Variants in ZNF773 observed in about 807,000 individuals in gnomAD.
The protein encoded by ZNF773 is zinc finger protein 773.
In ZNF773, 11 loss-of-function variants were observed where a neutral mutation model predicts 12.8. The observed-to-expected ratio is 0.86, with a 90% CI of 0.54 to 1.42. The LOEUF is 1.42. Ranked by LOEUF, ZNF773 falls within the 40% of genes most tolerant of loss-of-function variation. The probability of loss-of-function intolerance (pLI) is 0.00; values close to 1 mark genes in which losing one functional copy is unlikely to be tolerated. For missense variants in ZNF773, 518 were observed against 527.2 expected (o/e 0.98, Z 0.17); for synonymous variants, 175 against 178.4 (o/e 0.98, Z 0.15).
At position 57,506,628 on chromosome 19, in the gene ZNF773, C is replaced by G. The variant is rs1358929176; in HGVS notation, c.533C>G (p.Ser178Cys). ...THTGEKSHRS[S>C]KSREAFHAGK... ...ACGGGAGAGAAGTCACATAGGAGCT[C>G]CAAAAGTAGGGAGGCCTTTCATGCT... Residue 178 changes from serine to cysteine, a missense_variant, in exon 4 of 4, where the codon TCC becomes TGC. Physicochemically the swap from Ser to Cys is moderately radical, Grantham distance 112. Transcript: ENST00000282292. 2 of 1,614,034 alleles carry G rather than the reference C, an allele frequency of 1.2e-6. No individual in the cohort carries two copies. Among genetic ancestry groups the G allele is most frequent in the South Asian group, 1.1e-5 (1 of 91,084 alleles).
chr19:57,507,667 A>G lies in ZNF773; in HGVS notation c.*243A>G, dbSNP rs1483892900. 1.6e-5 allele frequency: 21 copies of G among 1,314,282 alleles called. No homozygotes were observed. Among genetic ancestry groups the G allele is most frequent in the East Asian group, 2.9e-5 (1 of 34,416 alleles). The allele number at this position is 1,314,282 out of a possible 1,614,324, so 81.4% of individuals were successfully genotyped here. A position where few individuals can be genotyped will look rare whatever the true frequency, so the allele number is the denominator to read the frequency against. ...AAGGCCTTAGACTGTCGCTGAATCA[A>G]TATGACCTGACTTAAAGCAGAAACA... On this transcript the variant is annotated 3_prime_UTR_variant, in exon 4 of 4. Transcript: ENST00000282292.
downstream of ZNF773, chr19:57,517,117 T>C (rs2089836889): frequency 6.6e-6 from 1 of 152,258 alleles, no homozygotes; most frequent in African/African-American, 2.4e-5. Context: ...ATGTTACCTT[T>C]GTAGAAAATA....
chr19:57,500,073 A>G lies in ZNF773; in HGVS notation c.-8A>G. 2 of 1,601,044 alleles carry G rather than the reference A, an allele frequency of 1.2e-6. No individual in the cohort carries two copies. Among genetic ancestry groups the G allele is most frequent in the Non-Finnish European group, 1.7e-6 (2 of 1,175,428 alleles). On this transcript the variant is annotated 5_prime_UTR_variant, in exon 1 of 4. Transcript: ENST00000282292. ...TCCTCGGTCGTTGTCTCACCGCCACAGGCTCCGATGGCGGCGGCCACGCTG... is the reference window on the plus strand; with the variant it reads ...TCCTCGGTCGTTGTCTCACCGCCACGGGCTCCGATGGCGGCGGCCACGCTG...
downstream of ZNF773, chr19:57,513,093 G>T (rs2089809245): frequency 6.6e-7 from 1 of 1,505,512 alleles, no homozygotes; most frequent in South Asian, 1.3e-5. Context: ...AGCAGAGAAA[G>T]TGAAACTGAC....
At position 57,499,966 on chromosome 19, in the gene ZNF773, C is replaced by A. The variant is rs1432348421; in HGVS notation, c.-115C>A. The A allele has an allele frequency of 1.7e-5, 24 of 1,377,842 alleles. No homozygotes were observed. The highest frequency in any genetic ancestry group is 2.0e-5 in the Non-Finnish European group (21 of 1,028,166). 85.4% of individuals were successfully genotyped at this position (1,377,842 alleles called of 1,614,324 possible). On this transcript the variant is annotated 5_prime_UTR_variant, in exon 1 of 4. Coordinates refer to ENST00000282292, the MANE Select transcript of ZNF773 (RefSeq NM_198542.3). Reference sequence around the variant, plus strand: ...CGCTGCGGCGACCAGCTCCGGAAAGCGCGGTGGGGACGCGCTGTGTTCTCG... The same window carrying A: ...CGCTGCGGCGACCAGCTCCGGAAAGAGCGGTGGGGACGCGCTGTGTTCTCG...
intron 1 of ZNF773, among the ~76,000 whole-genome samples, chr19:57,501,273 TTTTC>T (rs1246522730): frequency 7.7e-6 from 1 of 129,504 alleles, no homozygotes; most frequent in Admixed American, 8.4e-5. Flanking sequence ...TTGTCTTTCT[TTTTC>T]TTTCTTTTTT....
rs753262370 is a variant in ZNF773 at position 57,506,829 on chromosome 19, G to T, written c.734G>T (p.Arg245Met). 1 of 1,613,990 alleles carries T rather than the reference G, an allele frequency of 6.2e-7. No homozygotes were observed. Among genetic ancestry groups the T allele is most frequent in the Non-Finnish European group, 8.5e-7 (1 of 1,180,028 alleles). Residue 245 changes from arginine to methionine, a missense_variant, in exon 4 of 4, where the codon AGG becomes ATG. Transcript: ENST00000282292. ...CACCAAATAGTTCACACTGGAGAAAGGCCTTATGGGTGTAGTGACTGTGGA... is the reference window on the plus strand; with the variant it reads ...CACCAAATAGTTCACACTGGAGAAATGCCTTATGGGTGTAGTGACTGTGGA... ...FIHQIVHTGERPYGCSDCGKS... is the reference protein window; with the variant it reads ...FIHQIVHTGEMPYGCSDCGKS...
chr19:57,504,937 G>C (rs2089712242), intron 2 of ZNF773, 151 bp downstream of exon 2: 2 of 1,243,312 alleles, frequency 1.6e-6, no homozygotes, highest in Non-Finnish European at 2.3e-6. Flanking sequence ...GGCCTGGGCT[G>C]TGTATACTAC....
chr19:57,510,725 A>G (rs894380897), downstream of ZNF773, among the ~76,000 whole-genome samples: 1 of 152,192 alleles, frequency 6.6e-6, no homozygotes, highest in Non-Finnish European at 1.5e-5. Flanking sequence ...CATGCTTGGC[A>G]ACTGAAAAAA....
chr19:57,507,552 A>G lies in ZNF773; in HGVS notation c.*128A>G, dbSNP rs1223220028. 6.2e-6 allele frequency: 9 copies of G among 1,448,484 alleles called. No homozygotes were observed. The Admixed American group carries it at 2.3e-4, about 37-fold the overall frequency. 89.7% of individuals were successfully genotyped at this position (1,448,484 alleles called of 1,614,324 possible). A position where few individuals can be genotyped will look rare whatever the true frequency, so the allele number is the denominator to read the frequency against. On this transcript the variant is annotated 3_prime_UTR_variant, in exon 4 of 4. Coordinates refer to ENST00000282292, the MANE Select transcript of ZNF773 (RefSeq NM_198542.3). ...CCTCCAAACTCATTCAACACTGGAC[A>G]GTTCACAGAGTGGACAATGTAGTGA...
downstream of ZNF773, chr19:57,513,025 C>T (rs767245451): frequency 1.7e-5 from 26 of 1,565,308 alleles, no homozygotes; most frequent in Admixed American, 3.8e-5. Context: ...CATTCAGTCC[C>T]GAACCGACAG....
chr19:57,508,536 G>A (rs1008984313), downstream of ZNF773: 1 of 700,842 alleles, frequency 1.4e-6, no homozygotes, highest in African/African-American at 1.7e-5. Flanking sequence ...TGCGTAACAG[G>A]TCGGCAAATC....
chr19:57,500,120 G>A lies in ZNF773; in HGVS notation c.33+7G>A. The A allele has an allele frequency of 1.2e-6, 2 of 1,603,180 alleles. No individual in the cohort carries two copies. Among genetic ancestry groups the A allele is most frequent in the South Asian group, 2.2e-5 (2 of 89,622 alleles). On this transcript the variant is annotated splice_region_variant and intron_variant, in intron 1 of 3. Coordinates refer to ENST00000282292, the MANE Select transcript of ZNF773 (RefSeq NM_198542.3). ...GCTGAGGGACCCCGCTCAGGTGAGCGCCGCGTCCTCCCGGCCTCCCCCGAA... is the reference window on the plus strand; with the variant it reads ...GCTGAGGGACCCCGCTCAGGTGAGCACCGCGTCCTCCCGGCCTCCCCCGAA...
rs2089743011 is a variant in ZNF773 at position 57,506,841 on chromosome 19, G to A, written c.746G>A (p.Cys249Tyr). 6.2e-7 allele frequency: 1 copy of A among 1,614,174 alleles called. No individual in the cohort carries two copies. The highest frequency in any genetic ancestry group is 8.5e-7 in the Non-Finnish European group (1 of 1,180,032). The change falls in exon 4 of 4, where the codon TGT becomes TAT. Residue 249 changes from cysteine to tyrosine, a missense_variant. Coordinates refer to ENST00000282292, the MANE Select transcript of ZNF773 (RefSeq NM_198542.3). ...IVHTGERPYG[C>Y]SDCGKSFSRN... ...CACACTGGAGAAAGGCCTTATGGGT[G>A]TAGTGACTGTGGAAAATCCTTTAGC...
Position 57,504,804 on chromosome 19 carries a change from C to G in ZNF773, c.163+18C>G. 1.2e-6 allele frequency: 2 copies of G among 1,610,142 alleles called. No individual in the cohort carries two copies. Among genetic ancestry groups the G allele is most frequent in the Non-Finnish European group, 1.7e-6 (2 of 1,177,578 alleles). ...CTCTCTGGGTAAGGTTCTCACACCC[C>G]ACCCCAGCATCCTGAGCTGGACTTG... is the stretch of plus-strand genomic sequence containing the variant. On this transcript the variant is annotated intron_variant, in intron 2 of 3. Transcript: ENST00000282292.
downstream of ZNF773, among the ~76,000 whole-genome samples, chr19:57,511,058 T>TA (rs999951244): frequency 1.3e-5 from 1 of 76,116 alleles, no homozygotes; most frequent in African/African-American, 3.1e-5. Flanking sequence ...TTTATTTATT[T>TA]TTTTTTTTTT....
downstream of ZNF773, among the ~76,000 whole-genome samples, chr19:57,510,817 A>G (rs2089788318): frequency 6.6e-6 from 1 of 152,150 alleles, no homozygotes; most frequent in South Asian, 2.1e-4. Flanking sequence ...AAAATAAAAC[A>G]TTCCTGAGAG....
At chr19:57,500,860 A>T (rs2123241512) in intron 1 of ZNF773, among the ~76,000 whole-genome samples, 1 of 152,168 alleles carries the variant, frequency 6.6e-6, no homozygotes, top group East Asian at 1.9e-4. Context: ...GGAGAATCTT[A>T]AAGTTTTCTT....
chr19:57,516,800 A>T (rs1482100733), downstream of ZNF773: 1 of 152,218 alleles, frequency 6.6e-6, no homozygotes, highest in African/African-American at 2.4e-5. Context: ...AGTCCATGTT[A>T]ATGGGAGACA....
Sources: gnomAD v4.1 joint callset for allele counts (sites outside exome capture counted in the v4.1 genomes callset) on GRCh38, gnomAD v4.1.1 for gene constraint, MANE v1.5 for transcripts, NCBI Gene and HGNC (gene_info 2026-07-23, HGNC 2026-07-21) for gene names.